The following TGM2 variants were observed in gnomAD, a reference collection of about 807,000 sequenced individuals.
TGM2 encodes protein-glutamine gamma-glutamyltransferase 2.
A neutral mutation model predicts 75.6 loss-of-function variants in TGM2; 53 were observed. The observed-to-expected ratio is 0.70, with a 90% CI of 0.56 to 0.88. The LOEUF is 0.88. Ranked by LOEUF, TGM2 falls within the 40% of genes least tolerant of loss-of-function variation. The pLI is 0.00. For synonymous variants in TGM2, 374 were observed against 381.1 expected (o/e 0.98, Z 0.22); for missense variants, 842 against 928.5 (o/e 0.91, Z 1.21).
At position 38,127,557 on chromosome 20, in the gene TGM2, C is replaced by T. The variant is rs2074779393; in HGVS notation, c.*2662G>A. ...CCAAGTCTGCACATCCACGGAATCG[C>T]AGTCTAGACCTGCTTCATCCAGTAC... On this transcript the variant is annotated 3_prime_UTR_variant, in exon 13 of 13. Coordinates refer to ENST00000361475, the MANE Select transcript of TGM2 (RefSeq NM_004613.4). 2 of 168,002 alleles carry T rather than the reference C, an allele frequency of 1.2e-5. No individual in the cohort carries two copies. The highest frequency in any genetic ancestry group is 1.2e-5 in the Non-Finnish European group (1 of 82,536). The allele number at this position is 168,002 out of a possible 1,614,324, so 10.4% of individuals were successfully genotyped here.
upstream of TGM2, chr20:38,166,562 G>C (rs539354606): frequency 6.6e-6 from 1 of 152,340 alleles, no homozygotes; most frequent in Non-Finnish European, 1.5e-5. Flanking sequence ...GGGCTTCCCT[G>C]GCACTTTTTC....
intron 4 of TGM2, 105 bp from the exon 5 acceptor site, chr20:38,148,194 A>T: frequency 2.0e-6 from 3 of 1,475,252 alleles, no homozygotes; most frequent in Non-Finnish European, 2.8e-6. Flanking sequence ...TGTCCCACAC[A>T]GCAGACTGGG....
At chr20:38,150,807 G>A in intron 4 of TGM2, 132 bp downstream of exon 4, 1 of 803,010 alleles carries the variant, frequency 1.2e-6, no homozygotes. Context: ...CAGGGCCTTT[G>A]CATCCCTGAC....
At chr20:38,143,728 T>C (rs11696730) in intron 6 of TGM2, among the ~76,000 whole-genome samples, 6,227 of 152,336 alleles carry the variant, frequency 0.041, 162 homozygotes, top group Middle Eastern at 0.092. Flanking sequence ...GAAAAAAATA[T>C]CTAAAAAATG....
At chr20:38,159,950 A>T (rs961770365) in intron 2 of TGM2, among the ~76,000 whole-genome samples, 1 of 152,090 alleles carries the variant, frequency 6.6e-6, no homozygotes, top group Non-Finnish European at 1.5e-5. Flanking sequence ...CTAACTTTTC[A>T]CTTCGTAAAG....
chr20:38,152,015 C>T (rs1286201754), intron 3 of TGM2, among the ~76,000 whole-genome samples: 1 of 152,182 alleles, frequency 6.6e-6, no homozygotes, highest in East Asian at 1.9e-4. Context: ...GAGCCCCAGG[C>T]ACTCTTGACT....
chr20:38,147,516 C>CT (rs2075060176), intron 5 of TGM2, among the ~76,000 whole-genome samples: 1 of 152,188 alleles, frequency 6.6e-6, no homozygotes, highest in African/African-American at 2.4e-5. Flanking sequence ...CTCCCTGAGC[C>CT]TGGCCCTGCA....
chr20:38,131,041 C>G (rs373144662), intron 12 of TGM2, 52 bp downstream of exon 12: 6 of 1,606,080 alleles, frequency 3.7e-6, no homozygotes, highest in South Asian at 3.3e-5. Context: ...CTACCCCCAC[C>G]GGCATCTGCC....
intron 4 of TGM2, among the ~76,000 whole-genome samples, chr20:38,149,690 A>AAAAAAAAAAAAAAC (rs1457426013): frequency 1.8e-4 from 27 of 148,998 alleles, no homozygotes; most frequent in African/African-American, 6.9e-4. Flanking sequence ...AAAAAAAAAA[A>AAAAAAAAAAAAAAC]AAAAAAAAAA....
chr20:38,139,262 G>T, intron 9 of TGM2, 150 bp downstream of exon 9: 3 of 1,112,860 alleles, frequency 2.7e-6, no homozygotes, highest in Non-Finnish European at 1.3e-6. Context: ...TGTTTCTAAG[G>T]CATTGCTGAA....
In TGM2 at chr20:38,138,359, T is replaced by G. The variant is rs1166873947; in HGVS notation, c.1369A>C (p.Thr457Pro). 6.2e-6 allele frequency: 10 copies of G among 1,613,996 alleles called. No homozygotes were observed. In the African/African-American group the frequency reaches 1.3e-4, roughly 22 times the overall value. ...EGSSEEREAF[T>P]RANHLNKLAE... is the part of the protein sequence containing the mutation. Reference sequence around the variant, plus strand: ...AGTTTGTTCAGGTGGTTCGCCCTTGTGAAGGCCTCCCTCTCCTCTGAGGAC... The same window carrying G: ...AGTTTGTTCAGGTGGTTCGCCCTTGGGAAGGCCTCCCTCTCCTCTGAGGAC... Residue 457 changes from threonine (T) to proline (P), a missense_variant, in exon 10 of 13, where the codon ACA becomes CCA. Physicochemically the swap from Thr to Pro is conservative, Grantham distance 38 (BLOSUM62 -1). Transcript: ENST00000361475.
chr20:38,155,345 A>C (rs1421436898), intron 3 of TGM2, among the ~76,000 whole-genome samples: 1 of 151,904 alleles, frequency 6.6e-6, no homozygotes, highest in Non-Finnish European at 1.5e-5. Context: ...GCTTCTTTTT[A>C]TTTTTATTTT....
chr20:38,131,384 T>A (rs2074831358), intron 11 of TGM2, among the ~76,000 whole-genome samples, 155 bp from the exon 12 acceptor site: 1 of 151,366 alleles, frequency 6.6e-6, no homozygotes, highest in African/African-American at 2.4e-5. Context: ...CTCAGTTTCT[T>A]CATCGGGAAA....
intron 9 of TGM2, 111 bp downstream of exon 9, chr20:38,139,301 T>C (rs1250094878): frequency 6.6e-7 from 1 of 1,507,574 alleles, no homozygotes; most frequent in Non-Finnish European, 9.2e-7. Context: ...GGGCCATTGC[T>C]GTACGTAGGC....
Position 38,139,619 on chromosome 20 carries a change from T to G in TGM2, c.1135A>C (p.Ile379Leu), listed in dbSNP as rs776132030. The change falls in exon 9 of 13, where the codon ATC becomes CTC. Residue 379 changes from isoleucine to leucine, a missense_variant. Transcript: ENST00000361475. ...YCCGPVPVRA[I>L]KEGDLSTKYD... ...TTGGTGCTCAGGTCGCCCTCCTTGA[T>G]GGCACGAACTGGAACTGGGCCACAG... 4.3e-6 allele frequency: 7 copies of G among 1,614,024 alleles called. No homozygotes were observed. The Admixed American group carries it at 6.7e-5, about 15-fold the overall frequency.
intron 6 of TGM2, among the ~76,000 whole-genome samples, chr20:38,145,177 A>T (rs2075030067): frequency 1.3e-5 from 2 of 152,232 alleles, no homozygotes; most frequent in East Asian, 3.9e-4. Flanking sequence ...CCGAGCTGAG[A>T]ACCTAGGTTA....
intron 2 of TGM2, among the ~76,000 whole-genome samples, chr20:38,158,744 G>A (rs961480790): frequency 3.9e-5 from 6 of 152,164 alleles, no homozygotes; most frequent in African/African-American, 1.2e-4. Flanking sequence ...TGCTCCATTC[G>A]CTGAGTGACC....
At chr20:38,132,880 C>A (rs781661081) in intron 10 of TGM2, 1 of 460,288 alleles carries the variant, frequency 2.2e-6, no homozygotes, top group Non-Finnish European at 4.4e-6. Flanking sequence ...GAGCCTGGTG[C>A]GCTCGGGACT....
rs111912966 is a variant in TGM2 at position 38,165,209 on chromosome 20, G to A, written c.-11C>T. The A allele has an allele frequency of 8.0e-4, 1,294 of 1,613,370 alleles. 11 individuals are homozygous for A. The African/African-American group carries it at 0.015, about 18-fold the overall frequency. ...CTCACCCTCGGCCATGGTCGGGCGG[G>A]GGCGGTGGCTCCTTCCACTGGCGGC... On this transcript the variant is annotated 5_prime_UTR_variant, in exon 1 of 13. Transcript: ENST00000361475.
Sources: gnomAD v4.1 joint callset for allele counts (sites outside exome capture counted in the v4.1 genomes callset) on GRCh38, gnomAD v4.1.1 for gene constraint, MANE v1.5 for transcripts, NCBI Gene and HGNC (gene_info 2026-07-23, HGNC 2026-07-21) for gene names.